ANKRD30BL: variants seen among roughly 807,000 people sequenced by gnomAD.
The protein encoded by ANKRD30BL is putative ankyrin repeat domain-containing protein 30B-like.
ANKRD30BL carries 20 observed loss-of-function variants against 18.4 expected under a neutral mutation model. The ratio of observed to expected loss-of-function variants is 1.09; its 90% CI spans 0.77 to 1.58. The LOEUF is 1.58. Among genes scored for constraint, ANKRD30BL ranks in the 40% most tolerant of loss-of-function variants. The probability of loss-of-function intolerance (pLI) is 0.00; values close to 1 mark genes in which losing one functional copy is unlikely to be tolerated. For missense variants in ANKRD30BL, 224 were observed against 268.6 expected (o/e 0.83, Z 1.16); for synonymous variants, 72 against 100.9 (o/e 0.71, Z 1.72).
chr2:132,223,903 G>A lies in ANKRD30BL; in HGVS notation n.441+33626C>T, dbSNP rs557680894. On this transcript the variant is annotated intron_variant and non_coding_transcript_variant, in intron 1 of 4. Transcript: ENST00000470729. ...TAGAGCAGTTTTGAAACACTCTTTA[G>A]TAGAATCTGCAAGTGGATATTTGGA... is the stretch of plus-strand genomic sequence containing the variant. 4.2e-4 allele frequency among the ~76,000 whole-genome samples: 64 copies of A among 152,104 alleles called. 1 individual carries two copies. The Middle Eastern group carries it at 0.014, about 32-fold the overall frequency.
At chr2:132,214,649 A>G (rs1298728866) in intron 1 of ANKRD30BL, among the ~76,000 whole-genome samples, 3 of 150,326 alleles carry the variant, frequency 2.0e-5, no homozygotes, top group Admixed American at 6.6e-5. Context: ...GCTTTGAGGC[A>G]TATGGTGGAA....
At chr2:132,245,092 G>T (rs76772295) in intron 1 of ANKRD30BL, among the ~76,000 whole-genome samples, 1 of 120,390 alleles carries the variant, frequency 8.3e-6, no homozygotes. Context: ...CATGGGAAAC[G>T]GGAATATCTT....
rs60507906 is a variant in ANKRD30BL, at chr2:132,169,644, TAAA to T, written n.442-12501_442-12499del. ...CCTGGTGACACAGGGATACTCTGTC[TAAA>T]AAAAAAAAAAAAAAAAAAAAAGAGG... is the stretch of plus-strand genomic sequence containing the variant. On this transcript the variant is annotated intron_variant and non_coding_transcript_variant, in intron 1 of 4. Transcript: ENST00000470729. Among the ~76,000 whole-genome samples the T allele has an allele frequency of 1.4e-3, 131 of 90,870 alleles. 1 individual carries two copies. Among genetic ancestry groups the T allele is most frequent in the South Asian group, 0.012 (28 of 2,376 alleles). 59.6% of individuals were successfully genotyped at this position (90,870 alleles called of 152,430 possible).
At chr2:132,205,432 C>T (rs1818636) in intron 1 of ANKRD30BL, among the ~76,000 whole-genome samples, 33 of 141,472 alleles carry the variant, frequency 2.3e-4, no homozygotes, top group African/African-American at 8.5e-4. Context: ...AGAAACCCCA[C>T]CTCTACTAAA....
At chr2:132,242,436 G>A (rs75610927) in intron 1 of ANKRD30BL, among the ~76,000 whole-genome samples, 1 of 151,792 alleles carries the variant, frequency 6.6e-6, no homozygotes, top group African/African-American at 2.4e-5. Context: ...AAGTCACAGA[G>A]TTGAACATTC....
At chr2:132,230,301 A>T (rs1175708992) in intron 1 of ANKRD30BL, among the ~76,000 whole-genome samples, 1 of 151,962 alleles carries the variant, frequency 6.6e-6, no homozygotes. Flanking sequence ...AAACGGGAAT[A>T]TCTTCACATA....
chr2:132,257,274 A>G (rs56200609), intron 1 of ANKRD30BL, among the ~76,000 whole-genome samples: 26,888 of 147,420 alleles, frequency 0.18, 5,274 homozygotes, highest in African/African-American at 0.5. Context: ...CCACGCAAAC[A>G]CGGTCGTCGG....
intron 1 of ANKRD30BL, among the ~76,000 whole-genome samples, chr2:132,227,718 C>T (rs919264507): frequency 6.6e-6 from 1 of 152,130 alleles, no homozygotes; most frequent in Non-Finnish European, 1.5e-5. Flanking sequence ...AAGGAAATAT[C>T]TTCACATAAA....
At chr2:132,165,456 G>A (rs901989005), upstream of ANKRD30BL, among the ~76,000 whole-genome samples, 1 of 151,926 alleles carries the variant, frequency 6.6e-6, no homozygotes, top group Non-Finnish European at 1.5e-5. Context: ...CACTTTGGGA[G>A]GCCGAGGCGG....
chr2:132,255,507 A>G (rs1415898609), intron 1 of ANKRD30BL, among the ~76,000 whole-genome samples: 2 of 151,720 alleles, frequency 1.3e-5, no homozygotes, highest in Non-Finnish European at 2.9e-5. Context: ...CCCGCTCCCA[A>G]GATTCAACTA....
chr2:132,235,456 A>G (rs1403452196), intron 1 of ANKRD30BL, among the ~76,000 whole-genome samples: 1 of 152,170 alleles, frequency 6.6e-6, no homozygotes, highest in African/African-American at 2.4e-5. Flanking sequence ...CTCAGCCCAA[A>G]ATCTCCTTCA....
intron 1 of ANKRD30BL, among the ~76,000 whole-genome samples, chr2:132,175,278 CAT>C (rs1470290419): frequency 6.6e-6 from 1 of 151,762 alleles, no homozygotes; most frequent in East Asian, 1.9e-4. Flanking sequence ...AGCAAAAAAA[CAT>C]GTGAGCAGAA....
intron 1 of ANKRD30BL, among the ~76,000 whole-genome samples, chr2:132,226,259 C>A (rs186799491): frequency 1.3e-5 from 2 of 151,546 alleles, no homozygotes; most frequent in Non-Finnish European, 2.9e-5. Flanking sequence ...TTGAACCTTT[C>A]TTTTGATAGA....
chr2:132,228,004 A>G (rs1679893574), intron 1 of ANKRD30BL, among the ~76,000 whole-genome samples: 2 of 152,100 alleles, frequency 1.3e-5, no homozygotes, highest in Admixed American at 1.3e-4. Context: ...CTTACTTTTG[A>G]TTGAGCAGTT....
chr2:132,164,491 A>G (rs1210709648), upstream of ANKRD30BL, among the ~76,000 whole-genome samples: 1 of 151,410 alleles, frequency 6.6e-6, no homozygotes, highest in Admixed American at 6.6e-5. Flanking sequence ...GGGTTTCACC[A>G]TTTTGGCCAG....
chr2:132,230,649 C>T (rs559542443), intron 1 of ANKRD30BL, among the ~76,000 whole-genome samples: 13 of 152,174 alleles, frequency 8.5e-5, no homozygotes, highest in Admixed American at 4.6e-4. Context: ...AATAACTTCA[C>T]ATAAAAACTA....
intron 1 of ANKRD30BL, among the ~76,000 whole-genome samples, chr2:132,158,404 A>G (rs1371298808): frequency 1.3e-4 from 20 of 151,982 alleles, no homozygotes; most frequent in Admixed American, 1.3e-3. Flanking sequence ...TAATATTACT[A>G]TTTAAAGCTG....
At chr2:132,221,551 G>T (rs572497530) in intron 1 of ANKRD30BL, among the ~76,000 whole-genome samples, 1 of 130,792 alleles carries the variant, frequency 7.6e-6, no homozygotes, top group Non-Finnish European at 1.6e-5. Flanking sequence ...AGGTGGGGGG[G>T]TCAGCCCCCC....
At chr2:132,174,606 A>G (rs1364011959) in intron 1 of ANKRD30BL, among the ~76,000 whole-genome samples, 1 of 152,252 alleles carries the variant, frequency 6.6e-6, no homozygotes, top group Non-Finnish European at 1.5e-5. Context: ...TGTAAGATAT[A>G]GAAATATTAA....
Sources: allele counts gnomAD v4.1 joint callset (sites outside exome capture counted in the v4.1 genomes callset), GRCh38; gene constraint gnomAD v4.1.1; transcripts MANE v1.5; gene names NCBI Gene and HGNC (gene_info 2026-07-23, HGNC 2026-07-21).